EFR3A: variants seen among roughly 807,000 people sequenced by gnomAD.
EFR3A encodes the protein EFR3 homolog A.
A neutral mutation model predicts 104.4 loss-of-function variants in EFR3A; 76 were observed. That is an observed-to-expected ratio of 0.73 (90% CI 0.60 to 0.88). The LOEUF is 0.88. Ranked by LOEUF, EFR3A falls within the 40% of genes least tolerant of loss-of-function variation. The pLI is 0.00. For synonymous variants in EFR3A, 330 were observed against 330.0 expected (o/e 1.00, Z 0.00); for missense variants, 985 against 1,012.5 (o/e 0.97, Z 0.37).
At chr8:131,996,585 G>A in intron 19 of EFR3A, 88 bp downstream of exon 19, 2 of 647,156 alleles carry the variant, frequency 3.1e-6, no homozygotes, top group Non-Finnish European at 5.2e-6. Flanking sequence ...CGAACAGGAG[G>A]AAATACAACT....
At chr8:131,987,453 A>G (rs1820941148) in intron 17 of EFR3A, 122 bp from the exon 18 acceptor site, 2 of 1,112,082 alleles carry the variant, frequency 1.8e-6, no homozygotes, top group Non-Finnish European at 2.5e-6. Flanking sequence ...TTCTGCTACT[A>G]CAGTTTACAT....
chr8:131,949,909 A>C, intron 4 of EFR3A, 60 bp from the exon 5 acceptor site: 1 of 1,400,616 alleles, frequency 7.1e-7, no homozygotes, highest in Non-Finnish European at 9.7e-7. Context: ...ATGAAATTAA[A>C]TGTATTTGGT....
rs112882116 is a variant in EFR3A, at chr8:131,915,933, C to T, written c.10+11611C>T. 1.8e-3 allele frequency among the ~76,000 whole-genome samples: 281 copies of T among 152,232 alleles called. 1 individual carries two copies. Among genetic ancestry groups the T allele is most frequent in the Non-Finnish European group, 3.4e-3 (234 of 68,018 alleles). ...TAGACACTGAGGATACGGTGCTATC[C>T]TCATACAGGACATATGGACACCAAC... On this transcript the variant is annotated intron_variant, in intron 1 of 22. Transcript: ENST00000254624.
At chr8:131,950,406 T>G (rs1261673539) in intron 5 of EFR3A, among the ~76,000 whole-genome samples, 1 of 152,086 alleles carries the variant, frequency 6.6e-6, no homozygotes, top group Non-Finnish European at 1.5e-5. Context: ...CTTGAATACT[T>G]TAGTCACACC....
At chr8:131,963,603 C>G (rs1265136262) in intron 8 of EFR3A, among the ~76,000 whole-genome samples, 1 of 152,062 alleles carries the variant, frequency 6.6e-6, no homozygotes. Flanking sequence ...AAAAAAAGTC[C>G]AGGACCAGGT....
At chr8:131,927,670 A>G (rs1817369160) in intron 1 of EFR3A, among the ~76,000 whole-genome samples, 1 of 152,160 alleles carries the variant, frequency 6.6e-6, no homozygotes, top group Non-Finnish European at 1.5e-5. Context: ...TTTTTTAGGA[A>G]CCATAACGTG....
At chr8:131,962,532 C>A (rs1819424178) in intron 8 of EFR3A, among the ~76,000 whole-genome samples, 1 of 152,068 alleles carries the variant, frequency 6.6e-6, no homozygotes, top group African/African-American at 2.4e-5. Flanking sequence ...TATATGCACC[C>A]AATACAGGAG....
chr8:132,004,563 A>G (rs1451534837), intron 22 of EFR3A, among the ~76,000 whole-genome samples: 1 of 152,216 alleles, frequency 6.6e-6, no homozygotes, highest in Non-Finnish European at 1.5e-5. Context: ...CTGGTGCCAA[A>G]AAGGTCGGCG....
intron 18 of EFR3A, among the ~76,000 whole-genome samples, chr8:131,993,482 T>TAA (rs1318357404): frequency 6.6e-6 from 1 of 152,152 alleles, no homozygotes; most frequent in Non-Finnish European, 1.5e-5. Flanking sequence ...TGGAAGGCTG[T>TAA]CTTGGAGTAG....
chr8:131,979,933 A>G (rs1269796965), intron 14 of EFR3A, among the ~76,000 whole-genome samples: 1 of 152,124 alleles, frequency 6.6e-6, no homozygotes, highest in Non-Finnish European at 1.5e-5. Context: ...CTGTAGATCT[A>G]CTGGCAAATG....
At chr8:131,957,146 C>T (rs1414856038) in intron 7 of EFR3A, among the ~76,000 whole-genome samples, 1 of 151,884 alleles carries the variant, frequency 6.6e-6, no homozygotes, top group African/African-American at 2.4e-5. Context: ...ACACATTAAC[C>T]ATTTAGTTAA....
At chr8:131,935,845 G>T (rs1817851682) in intron 1 of EFR3A, among the ~76,000 whole-genome samples, 1 of 151,430 alleles carries the variant, frequency 6.6e-6, no homozygotes, top group East Asian at 1.9e-4. Context: ...GAAAGTGGAA[G>T]TTGCTTATTT....
chr8:131,983,956 A>G (rs1010110131), intron 14 of EFR3A, among the ~76,000 whole-genome samples, 183 bp from the exon 15 acceptor site: 2 of 152,194 alleles, frequency 1.3e-5, no homozygotes, highest in African/African-American at 4.8e-5. Context: ...ATTAGTTTGT[A>G]GTTGTATATT....
chr8:132,004,754 A>AT (rs1023893684), intron 22 of EFR3A, among the ~76,000 whole-genome samples: 3 of 152,100 alleles, frequency 2.0e-5, no homozygotes, highest in Non-Finnish European at 2.9e-5. Context: ...GGTAGACACT[A>AT]TTTTTTTGAT....
At chr8:131,922,133 C>T (rs1817062637) in intron 1 of EFR3A, among the ~76,000 whole-genome samples, 2 of 152,054 alleles carry the variant, frequency 1.3e-5, no homozygotes, top group South Asian at 4.1e-4. Context: ...CAAAATAATT[C>T]CAATCTCTTC....
intron 1 of EFR3A, among the ~76,000 whole-genome samples, chr8:131,918,869 T>C (rs1816864254): frequency 6.6e-6 from 1 of 152,222 alleles, no homozygotes. Flanking sequence ...GTTTTAAATT[T>C]TGCCTGAGAT....
chr8:131,989,802 T>C (rs762686905), intron 18 of EFR3A, among the ~76,000 whole-genome samples: 1 of 152,170 alleles, frequency 6.6e-6, no homozygotes, highest in Admixed American at 6.5e-5. Flanking sequence ...TGAAACACAG[T>C]GATAACTAGA....
chr8:131,919,495 C>T (rs1816895645), intron 1 of EFR3A, among the ~76,000 whole-genome samples: 1 of 150,208 alleles, frequency 6.7e-6, no homozygotes, highest in African/African-American at 2.5e-5. Context: ...ACTCAGGAGG[C>T]TGAGGCAGGA....
At chr8:131,910,189 A>G (rs1220775146) in intron 1 of EFR3A, among the ~76,000 whole-genome samples, 1 of 152,216 alleles carries the variant, frequency 6.6e-6, no homozygotes, top group Non-Finnish European at 1.5e-5. Flanking sequence ...GTGGAAGCCT[A>G]GCTTTTTGGG....
Sources: allele counts gnomAD v4.1 joint callset (sites outside exome capture counted in the v4.1 genomes callset), GRCh38; gene constraint gnomAD v4.1.1; transcripts MANE v1.5; gene names NCBI Gene and HGNC (gene_info 2026-07-23, HGNC 2026-07-21).